OPCML: variants seen among roughly 807,000 people sequenced by gnomAD.
OPCML encodes the protein opioid-binding protein/cell adhesion molecule.
OPCML carries 13 observed loss-of-function variants against 37.8 expected under a neutral mutation model. The ratio of observed to expected loss-of-function variants is 0.34; its 90% CI spans 0.22 to 0.55. The LOEUF is 0.55. Ranked by LOEUF, OPCML falls within the 20% of genes least tolerant of loss-of-function variation. OPCML has a pLI of 0.91. For synonymous variants in OPCML, 176 were observed against 168.8 expected (o/e 1.04, Z -0.33); for missense variants, 341 against 435.6 (o/e 0.78, Z 1.93).
intron 1 of OPCML, among the ~76,000 whole-genome samples, chr11:133,132,257 G>A (rs977906123): frequency 2.6e-5 from 4 of 152,134 alleles, no homozygotes; most frequent in South Asian, 4.1e-4. Context: ...ATACACCACT[G>A]GATAATAAGC....
At chr11:133,348,205 G>A (rs1385000379) in intron 1 of OPCML, among the ~76,000 whole-genome samples, 3 of 152,186 alleles carry the variant, frequency 2.0e-5, no homozygotes, top group African/African-American at 7.2e-5. Context: ...AATGTTCCAT[G>A]ATTGTGATGA....
chr11:132,998,108 A>G lies in OPCML; in HGVS notation c.62-55098T>C, dbSNP rs554144762. 2.0e-5 allele frequency among the ~76,000 whole-genome samples: 3 copies of G among 152,272 alleles called. No individual in the cohort carries two copies. In the East Asian group the frequency reaches 5.8e-4, roughly 29 times the overall value. The stretch of plus-strand genomic sequence containing the variant: ...TGCCCATCCTTCAAGGTGCAGTTAA[A>G]ATGTCCAGTCTCCTTGGTGAGCCCT... On this transcript the variant is annotated intron_variant, in intron 1 of 7. Transcript: ENST00000524381.
intron 3 of OPCML, among the ~76,000 whole-genome samples, chr11:132,572,753 T>C (rs981056820): frequency 3.3e-5 from 5 of 152,138 alleles, no homozygotes; most frequent in Non-Finnish European, 5.9e-5. Flanking sequence ...TCTATATGAA[T>C]TGTAGAATTG....
intron 1 of OPCML, among the ~76,000 whole-genome samples, chr11:133,133,143 A>T (rs1033525461): frequency 4.6e-5 from 7 of 152,152 alleles, no homozygotes; most frequent in Admixed American, 2.6e-4. Flanking sequence ...CATGGCCTCC[A>T]AATGTTGCCT....
intron 7 of OPCML, among the ~76,000 whole-genome samples, chr11:132,434,861 T>C (rs552469148): frequency 5.3e-5 from 8 of 152,274 alleles, no homozygotes; most frequent in Admixed American, 5.2e-4. Context: ...TGCTGCTGTG[T>C]ACAGAAATAG....
intron 1 of OPCML, among the ~76,000 whole-genome samples, chr11:133,125,230 C>T (rs1949482618): frequency 6.6e-6 from 1 of 152,078 alleles, no homozygotes; most frequent in African/African-American, 2.4e-5. Flanking sequence ...GACTTGCATC[C>T]ATTTTCCCTA....
At chr11:133,483,771 T>C (rs1173487736) in intron 1 of OPCML, among the ~76,000 whole-genome samples, 1 of 113,046 alleles carries the variant, frequency 8.8e-6, no homozygotes, top group Admixed American at 9.0e-5. Context: ...GAAAAAGAGA[T>C]TTATAGATGG....
intron 4 of OPCML, among the ~76,000 whole-genome samples, chr11:132,454,101 G>A (rs1475013325): frequency 6.6e-6 from 1 of 152,192 alleles, no homozygotes; most frequent in African/African-American, 2.4e-5. Flanking sequence ...TGCGGGGGAA[G>A]GTTAAGAAAC....
chr11:132,595,298 G>A (rs921572619), intron 3 of OPCML, among the ~76,000 whole-genome samples: 6 of 152,110 alleles, frequency 3.9e-5, no homozygotes, highest in African/African-American at 1.4e-4. Flanking sequence ...CGTTGTGCAA[G>A]TAATAATAAT....
intron 1 of OPCML, among the ~76,000 whole-genome samples, chr11:133,350,996 T>C (rs1435784418): frequency 6.6e-6 from 1 of 152,154 alleles, no homozygotes; most frequent in African/African-American, 2.4e-5. Context: ...TAATGAAACT[T>C]CCTATGTCTC....
chr11:132,630,009 G>A lies in OPCML; in HGVS notation c.379+27078C>T, dbSNP rs549742409. On this transcript the variant is annotated intron_variant, in intron 3 of 7. Transcript: ENST00000524381. ...GTCATTTTTCAATGACTATACTGGC[G>A]TTTAAAAAAATTAAAACAATAGTGA... Among the ~76,000 whole-genome samples, 82 of 152,156 alleles carry A rather than the reference G, an allele frequency of 5.4e-4. 1 individual carries two copies. The South Asian group carries it at 9.1e-3, about 17-fold the overall frequency.
chr11:132,529,836 G>GT (rs1208134523), intron 3 of OPCML, among the ~76,000 whole-genome samples: 1 of 152,132 alleles, frequency 6.6e-6, no homozygotes, highest in Non-Finnish European at 1.5e-5. Context: ...CAATGTGTGG[G>GT]TGTCCTTACT....
chr11:132,484,085 A>G (rs998996763), intron 4 of OPCML, among the ~76,000 whole-genome samples: 3 of 152,228 alleles, frequency 2.0e-5, no homozygotes, highest in Non-Finnish European at 2.9e-5. Flanking sequence ...ATTAAACTAA[A>G]GAGCTTCTGC....
At chr11:133,485,861 A>G (rs1947514793) in intron 1 of OPCML, among the ~76,000 whole-genome samples, 1 of 152,136 alleles carries the variant, frequency 6.6e-6, no homozygotes. Context: ...TTTCTTGTCC[A>G]ACGTTTCACA....
intron 1 of OPCML, among the ~76,000 whole-genome samples, chr11:133,328,990 G>T (rs1943550246): frequency 6.6e-6 from 1 of 152,102 alleles, no homozygotes; most frequent in African/African-American, 2.4e-5. Context: ...CAAAGTCTCA[G>T]GATACAAAAT....
intron 2 of OPCML, among the ~76,000 whole-genome samples, chr11:132,726,699 C>T (rs145157096): frequency 4.3e-4 from 65 of 152,100 alleles, no homozygotes; most frequent in Non-Finnish European, 7.1e-4. Context: ...GAAAACCAAC[C>T]GCCATGGTCC....
intron 4 of OPCML, among the ~76,000 whole-genome samples, chr11:132,490,824 A>G (rs1424620820): frequency 6.6e-6 from 1 of 151,806 alleles, no homozygotes; most frequent in African/African-American, 2.4e-5. Flanking sequence ...AAAAAAGAAA[A>G]AAAAAAAAAA....
intron 1 of OPCML, among the ~76,000 whole-genome samples, chr11:133,508,935 T>C (rs1591580974): frequency 1.3e-5 from 2 of 152,100 alleles, no homozygotes; most frequent in African/African-American, 4.8e-5. Flanking sequence ...CACTCCTAAC[T>C]TATGCTCAAC....
chr11:133,159,650 G>A (rs940506288), intron 1 of OPCML, among the ~76,000 whole-genome samples: 1 of 152,244 alleles, frequency 6.6e-6, no homozygotes, highest in Non-Finnish European at 1.5e-5. Flanking sequence ...GAGAAGGAAA[G>A]TGAAGATTGA....
Sources: allele counts gnomAD v4.1 joint callset (sites outside exome capture counted in the v4.1 genomes callset), GRCh38; gene constraint gnomAD v4.1.1; transcripts MANE v1.5; gene names NCBI Gene and HGNC (gene_info 2026-07-23, HGNC 2026-07-21).